ALK: variants seen among roughly 807,000 people sequenced by gnomAD.
ALK encodes ALK receptor tyrosine kinase.
Under a neutral mutation model 163.1 loss-of-function variants are expected in ALK, and 74 were observed. The ratio of observed to expected loss-of-function variants is 0.45; its 90% CI spans 0.38 to 0.55. The LOEUF (loss-of-function observed/expected upper bound fraction) is 0.55. ALK is among the 20% of genes least tolerant of loss of function. ALK has a pLI of 0.00. For synonymous variants in ALK, 960 were observed against 843.2 expected, an observed-to-expected ratio of 1.14 and a Z score of -2.40; for missense variants, 2,063 against 2,105.3, an observed-to-expected ratio of 0.98 and a Z score of 0.39.
Position 29,532,037 on chromosome 2 carries a change from G to C in ALK, c.1032C>G (p.His344Gln). The C allele has an allele frequency of 6.2e-7, 1 of 1,614,092 alleles. No individual in the cohort carries two copies. The highest frequency in any genetic ancestry group is 8.5e-7 in the Non-Finnish European group (1 of 1,180,000). Reference protein sequence around the residue: ...LSPWMRSSSEHCTLAVSVHRH... With the variant: ...LSPWMRSSSEQCTLAVSVHRH... The stretch of plus-strand genomic sequence containing the variant: ...TGTGCACCGAGACGGCCAGTGTGCA[G>C]TGCTCACTGCTGCTCCTCATCCACG... Residue 344 changes from histidine (H) to glutamine (Q), a missense_variant, in exon 4 of 29, where the codon CAC (histidine) becomes CAG (glutamine). Coordinates refer to ENST00000389048, the MANE Select transcript of ALK (RefSeq NM_004304.5).
intron 3 of ALK, among the ~76,000 whole-genome samples, chr2:29,538,836 A>G (rs947352216): frequency 1.3e-5 from 2 of 152,164 alleles, no homozygotes; most frequent in African/African-American, 4.8e-5. Context: ...CATGGATAGG[A>G]CAATAAGAAA....
At chr2:29,548,926 T>C (rs944442871) in intron 3 of ALK, among the ~76,000 whole-genome samples, 2 of 152,172 alleles carry the variant, frequency 1.3e-5, no homozygotes, top group African/African-American at 4.8e-5. Context: ...CCTTGAAGTT[T>C]GGACTCTTAA....
At chr2:29,454,258 C>G (rs1026430406) in intron 4 of ALK, among the ~76,000 whole-genome samples, 3 of 152,078 alleles carry the variant, frequency 2.0e-5, no homozygotes, top group African/African-American at 7.2e-5. Context: ...CCAGGACCCC[C>G]CTGTGGATAC....
At chr2:29,759,933 A>T (rs1384161410) in intron 1 of ALK, among the ~76,000 whole-genome samples, 1 of 152,228 alleles carries the variant, frequency 6.6e-6, no homozygotes, top group Non-Finnish European at 1.5e-5. Flanking sequence ...CACACTGTAC[A>T]CTGGGAACAG....
intron 4 of ALK, among the ~76,000 whole-genome samples, chr2:29,468,527 A>G (rs747179123): frequency 4.6e-5 from 7 of 152,028 alleles, no homozygotes; most frequent in Non-Finnish European, 8.8e-5. Context: ...TCTCTTTTCA[A>G]TCCTTCTAAA....
chr2:29,221,351 T>C lies in ALK; in HGVS notation c.3516-516A>G. ...TCATGGGAGGGACCAAGACTTGGGT[T>C]TTCTTGTTAACATGATCCCTTTAGG... On this transcript the variant is annotated intron_variant, in intron 22 of 28. Transcript: ENST00000389048. 3 of 439,960 alleles carry C rather than the reference T, an allele frequency of 6.8e-6. No homozygotes were observed. In the East Asian group the frequency reaches 1.4e-4, roughly 20 times the overall value. 27.3% of individuals were successfully genotyped at this position (439,960 alleles called of 1,614,324 possible). A position where few individuals can be genotyped will look rare whatever the true frequency, so the allele number is the denominator to read the frequency against.
At chr2:29,628,417 G>T (rs1028226001) in intron 3 of ALK, among the ~76,000 whole-genome samples, 1 of 152,104 alleles carries the variant, frequency 6.6e-6, no homozygotes, top group Non-Finnish European at 1.5e-5. Context: ...AACTCCATGG[G>T]ACTTAAGTGT....
At chr2:29,791,281 C>T (rs1239244809) in intron 1 of ALK, among the ~76,000 whole-genome samples, 1 of 152,118 alleles carries the variant, frequency 6.6e-6, no homozygotes, top group African/African-American at 2.4e-5. Context: ...ACATATACAC[C>T]ATGGAATACT....
intron 3 of ALK, among the ~76,000 whole-genome samples, chr2:29,552,715 G>A (rs989286679): frequency 3.9e-5 from 6 of 152,146 alleles, no homozygotes; most frequent in African/African-American, 1.4e-4. Context: ...GCTTTTATCT[G>A]TCACTTCTTG....
rs184575544 is a variant in ALK at position 29,288,358 on chromosome 2, C to T, written c.1817+8530G>A. On this transcript the variant is annotated intron_variant, in intron 9 of 28. Coordinates refer to ENST00000389048, the MANE Select transcript of ALK (RefSeq NM_004304.5). ...TTTTCACTTGGGTCCTGACCACACA[C>T]CCATATCCCTCTCTGGATGACTGAT... Among the ~76,000 whole-genome samples the T allele has an allele frequency of 2.0e-3, 311 of 152,326 alleles. 2 individuals are homozygous for T. The highest frequency in any genetic ancestry group is 3.6e-3 in the Non-Finnish European group (242 of 68,020).
At chr2:29,359,229 G>C (rs892270732) in intron 5 of ALK, among the ~76,000 whole-genome samples, 8 of 152,220 alleles carry the variant, frequency 5.3e-5, no homozygotes, top group Non-Finnish European at 8.8e-5. Context: ...TGGGACTAGT[G>C]TCATTCCTGG....
intron 4 of ALK, among the ~76,000 whole-genome samples, chr2:29,421,558 C>A (rs1014944022): frequency 4.0e-5 from 6 of 151,462 alleles, no homozygotes; most frequent in African/African-American, 1.5e-4. Context: ...CAGGCACGGA[C>A]AATATTTCTA....
At chr2:29,446,152 A>ACAAG (rs1404429583) in intron 4 of ALK, among the ~76,000 whole-genome samples, 1 of 149,280 alleles carries the variant, frequency 6.7e-6, no homozygotes, top group African/African-American at 2.5e-5. Flanking sequence ...AAAAAAACAA[A>ACAAG]CAAAATAAAA....
intron 1 of ALK, among the ~76,000 whole-genome samples, chr2:29,750,985 G>A (rs111512530): frequency 0.062 from 9,406 of 152,186 alleles, 753 homozygotes; most frequent in African/African-American, 0.19. Flanking sequence ...CAGGAGAATC[G>A]CTTGAAGCCA....
chr2:29,254,986 G>A (rs577599270), intron 11 of ALK, among the ~76,000 whole-genome samples: 4 of 152,284 alleles, frequency 2.6e-5, no homozygotes, highest in East Asian at 1.9e-4. Flanking sequence ...GAGAGGGAAC[G>A]CTTTCTAAAG....
At chr2:29,644,962 C>G (rs762503446) in intron 3 of ALK, among the ~76,000 whole-genome samples, 3 of 152,084 alleles carry the variant, frequency 2.0e-5, no homozygotes, top group Admixed American at 6.6e-5. Flanking sequence ...GACTCCAGGC[C>G]AAGCACCCAA....
intron 4 of ALK, among the ~76,000 whole-genome samples, chr2:29,391,328 G>A (rs976163271): frequency 2.7e-5 from 4 of 149,644 alleles, no homozygotes; most frequent in East Asian, 3.9e-4. Context: ...GTGGTGTGGA[G>A]TGTCACTCTG....
intron 1 of ALK, among the ~76,000 whole-genome samples, chr2:29,775,573 AAG>A (rs1236556819): frequency 2.0e-5 from 3 of 152,086 alleles, no homozygotes; most frequent in South Asian, 2.1e-4. Flanking sequence ...CAGAAATCAA[AAG>A]AGAGAATGGG....
intron 1 of ALK, among the ~76,000 whole-genome samples, chr2:29,858,006 A>ACAG (rs1666187880): frequency 6.6e-6 from 1 of 151,840 alleles, no homozygotes; most frequent in African/African-American, 2.4e-5. Flanking sequence ...CAATCCAACA[A>ACAG]CCTTATTCAG....
Sources: gnomAD v4.1 joint callset for allele counts (sites outside exome capture counted in the v4.1 genomes callset) on GRCh38, gnomAD v4.1.1 for gene constraint, MANE v1.5 for transcripts, NCBI Gene and HGNC (gene_info 2026-07-23, HGNC 2026-07-21) for gene names.